The following KCNIP4 variants were observed in gnomAD, a reference collection of about 807,000 sequenced individuals.
The protein encoded by KCNIP4 is potassium voltage-gated channel interacting protein 4, also known as Kv channel-interacting protein 4.
A neutral mutation model predicts 34.0 loss-of-function variants in KCNIP4; 12 were observed. The observed-to-expected ratio is 0.35, with a 90% CI of 0.23 to 0.57. KCNIP4 has a LOEUF of 0.57. Ranked by LOEUF, KCNIP4 falls within the 20% of genes least tolerant of loss-of-function variation. The pLI, the probability that KCNIP4 is intolerant of heterozygous loss-of-function variation, is 0.83. For missense variants in KCNIP4, 238 were observed against 311.7 expected (o/e 0.76, Z 1.78); for synonymous variants, 124 against 102.2 (o/e 1.21, Z -1.29).
intron 1 of KCNIP4, among the ~76,000 whole-genome samples, chr4:21,107,801 A>G (rs1351004671): frequency 6.6e-6 from 1 of 151,372 alleles, no homozygotes; most frequent in Non-Finnish European, 1.5e-5. Context: ...CCTGGTGGTG[A>G]CAAAATCTCT....
At chr4:21,465,701 T>C (rs1729864931) in intron 1 of KCNIP4, among the ~76,000 whole-genome samples, 1 of 152,166 alleles carries the variant, frequency 6.6e-6, no homozygotes, top group Admixed American at 6.5e-5. Context: ...AAAATATTTA[T>C]TTCACAGAAT....
intron 1 of KCNIP4, among the ~76,000 whole-genome samples, chr4:20,922,266 AAAG>A (rs1729458170): frequency 1.3e-5 from 2 of 152,356 alleles, no homozygotes; most frequent in African/African-American, 2.4e-5. Context: ...TAGACTGAGT[AAAG>A]AAGATCACCC....
intron 1 of KCNIP4, among the ~76,000 whole-genome samples, chr4:20,886,233 G>A (rs920387675): frequency 5.9e-5 from 9 of 152,176 alleles, no homozygotes; most frequent in African/African-American, 2.2e-4. Context: ...TGTGATGCTT[G>A]AGAGAAGAAA....
intron 2 of KCNIP4, among the ~76,000 whole-genome samples, chr4:20,857,165 G>A (rs913624122): frequency 2.4e-4 from 36 of 151,976 alleles, no homozygotes; most frequent in Admixed American, 5.9e-4. Context: ...ATTTCTAGGC[G>A]GGTGACAGGC....
chr4:21,924,337 C>T (rs951901067), intron 1 of KCNIP4, among the ~76,000 whole-genome samples: 4 of 150,146 alleles, frequency 2.7e-5, no homozygotes, highest in Non-Finnish European at 4.4e-5. Flanking sequence ...TCTGCCTCCC[C>T]GGTTCACGCC....
intron 3 of KCNIP4, among the ~76,000 whole-genome samples, chr4:20,799,634 G>T (rs1018359315): frequency 6.6e-6 from 1 of 152,160 alleles, no homozygotes; most frequent in Non-Finnish European, 1.5e-5. Context: ...AAGCCACAGT[G>T]GTGCCTTGCC....
At chr4:21,037,215 T>G (rs996653233) in intron 1 of KCNIP4, among the ~76,000 whole-genome samples, 7 of 152,192 alleles carry the variant, frequency 4.6e-5, no homozygotes, top group African/African-American at 1.4e-4. Context: ...AAAATATTCT[T>G]ATAAATTTAA....
intron 1 of KCNIP4, among the ~76,000 whole-genome samples, chr4:21,620,359 G>A (rs889539455): frequency 1.1e-4 from 16 of 152,126 alleles, no homozygotes; most frequent in East Asian, 5.8e-4. Context: ...AAAATTAGCT[G>A]GGCATGATGG....
intron 5 of KCNIP4, among the ~76,000 whole-genome samples, chr4:20,745,452 A>G (rs1234731663): frequency 2.0e-5 from 3 of 152,168 alleles, no homozygotes; most frequent in Non-Finnish European, 4.4e-5. Context: ...TGAGAAACTT[A>G]ATGTGGCTTA....
At chr4:21,736,834 C>A (rs76756769) in intron 1 of KCNIP4, among the ~76,000 whole-genome samples, 46 of 152,090 alleles carry the variant, frequency 3.0e-4, no homozygotes, top group Non-Finnish European at 2.6e-4. Context: ...TAAAAGCTTG[C>A]GCTCAATGTA....
chr4:20,841,218 G>C (rs867012661), intron 3 of KCNIP4, among the ~76,000 whole-genome samples: 22 of 152,236 alleles, frequency 1.4e-4, no homozygotes, highest in Middle Eastern at 3.4e-3. Flanking sequence ...AAATTTTATT[G>C]GGCTGGCCTC....
chr4:21,541,427 C>T (rs73252244), intron 1 of KCNIP4, among the ~76,000 whole-genome samples: 8,651 of 152,088 alleles, frequency 0.057, 492 homozygotes, highest in Admixed American at 0.16. Flanking sequence ...TAAACTTGAG[C>T]CAGGCAGTCA....
At chr4:21,350,321 A>T (rs1347105027) in intron 1 of KCNIP4, among the ~76,000 whole-genome samples, 1 of 152,106 alleles carries the variant, frequency 6.6e-6, no homozygotes, top group Admixed American at 6.5e-5. Context: ...TTGGCACCAT[A>T]AAAAGCATTT....
chr4:21,264,050 C>T (rs1452560102), intron 1 of KCNIP4, among the ~76,000 whole-genome samples: 1 of 151,950 alleles, frequency 6.6e-6, no homozygotes. Flanking sequence ...GTGGTGAAGG[C>T]TCTATTGAAT....
At chr4:21,910,898 T>C (rs1414947643) in intron 1 of KCNIP4, among the ~76,000 whole-genome samples, 1 of 152,214 alleles carries the variant, frequency 6.6e-6, no homozygotes, top group Admixed American at 6.5e-5. Flanking sequence ...ATTCATTTAC[T>C]ATGATTTACC....
intron 1 of KCNIP4, among the ~76,000 whole-genome samples, chr4:20,999,443 T>G (rs527436877): frequency 6.2e-5 from 7 of 113,518 alleles, no homozygotes; most frequent in South Asian, 2.7e-4. Flanking sequence ...TTTTTGTTTT[T>G]TTTTTTTTTT....
At chr4:21,320,271 G>C (rs949317066) in intron 1 of KCNIP4, among the ~76,000 whole-genome samples, 5 of 152,140 alleles carry the variant, frequency 3.3e-5, no homozygotes, top group Non-Finnish European at 7.4e-5. Flanking sequence ...CATTTTGATG[G>C]CACAATGAGG....
rs370338364 is a variant in KCNIP4 at position 21,856,784 on chromosome 4, C to G, written c.61+91787G>C. Among the ~76,000 whole-genome samples the G allele has an allele frequency of 2.3e-4, 35 of 152,270 alleles. No homozygotes were observed. In the East Asian group the frequency reaches 6.6e-3, roughly 29 times the overall value. On this transcript the variant is annotated intron_variant, in intron 1 of 8. Transcript: ENST00000382152. ...AGGGTGCCTGCTCCTTCTGCCTGGC[C>G]TTTCCCCACTCCAAGCGCCCACTCC...
intron 1 of KCNIP4, among the ~76,000 whole-genome samples, chr4:20,958,659 G>C (rs375889206): frequency 9.8e-5 from 15 of 152,300 alleles, no homozygotes; most frequent in African/African-American, 3.4e-4. Context: ...TTTTGTGGGA[G>C]TAAGTAATAG....
Sources: gnomAD v4.1 joint callset for allele counts (sites outside exome capture counted in the v4.1 genomes callset) on GRCh38, gnomAD v4.1.1 for gene constraint, MANE v1.5 for transcripts, NCBI Gene and HGNC (gene_info 2026-07-23, HGNC 2026-07-21) for gene names.